The following ALK variants were observed in gnomAD, a reference collection of about 807,000 sequenced individuals.
ALK encodes the protein ALK tyrosine kinase receptor.
A neutral mutation model predicts 163.1 loss-of-function variants in ALK; 74 were observed. The ratio of observed to expected loss-of-function variants is 0.45; its 90% CI spans 0.38 to 0.55. ALK has a LOEUF of 0.55. ALK is among the 20% of genes least tolerant of loss of function. ALK has a pLI of 0.00. For synonymous variants in ALK, 960 were observed against 843.2 expected, an observed-to-expected ratio of 1.14 and a Z score of -2.40; for missense variants, 2,063 against 2,105.3, an observed-to-expected ratio of 0.98 and a Z score of 0.39.
At chr2:29,599,624 A>G (rs2148213417) in intron 3 of ALK, among the ~76,000 whole-genome samples, 1 of 152,378 alleles carries the variant, frequency 6.6e-6, no homozygotes, top group Middle Eastern at 3.4e-3. Flanking sequence ...ACTTGAAGAC[A>G]CTTGAGTTTC....
At chr2:29,542,434 G>T (rs945327971) in intron 3 of ALK, among the ~76,000 whole-genome samples, 1 of 152,102 alleles carries the variant, frequency 6.6e-6, no homozygotes, top group African/African-American at 2.4e-5. Context: ...GGACTTTTAT[G>T]TTAGTCCCAC....
Position 29,767,925 on chromosome 2 carries a change from C to T in ALK, c.668-50228G>A, listed in dbSNP as rs920582622. On this transcript the variant is annotated intron_variant, in intron 1 of 28. Transcript: ENST00000389048. ...TCTTCTAGCCCCAGTCTGGGGAAGTCGTGATGATTACTCATTAGGTAGCTA... is the reference window on the plus strand; with the variant it reads ...TCTTCTAGCCCCAGTCTGGGGAAGTTGTGATGATTACTCATTAGGTAGCTA... Among the ~76,000 whole-genome samples the T allele has an allele frequency of 2.0e-5, 3 of 152,210 alleles. 1 individual carries two copies. Among genetic ancestry groups the T allele is most frequent in the East Asian group, 1.9e-4 (1 of 5,200 alleles).
chr2:29,367,241 G>T (rs75254376), intron 5 of ALK, among the ~76,000 whole-genome samples: 4 of 152,260 alleles, frequency 2.6e-5, no homozygotes, highest in East Asian at 1.9e-4. Flanking sequence ...CGGGACAAAG[G>T]TTCCAGTGTA....
At chr2:29,720,534 C>A (rs1679390956) in intron 1 of ALK, among the ~76,000 whole-genome samples, 1 of 152,104 alleles carries the variant, frequency 6.6e-6, no homozygotes, top group African/African-American at 2.4e-5. Context: ...TGGGGGTCAG[C>A]CAAAAGGCTG....
intron 3 of ALK, among the ~76,000 whole-genome samples, chr2:29,664,699 C>A (rs995654197): frequency 6.6e-6 from 1 of 152,148 alleles, no homozygotes; most frequent in Non-Finnish European, 1.5e-5. Context: ...CCAGCTCCAC[C>A]CCACCTTGTC....
At chr2:29,557,831 T>C (rs1673906267) in intron 3 of ALK, among the ~76,000 whole-genome samples, 1 of 152,098 alleles carries the variant, frequency 6.6e-6, no homozygotes, top group African/African-American at 2.4e-5. Flanking sequence ...TGGGTTAGGG[T>C]GGACATTTGC....
intron 1 of ALK, among the ~76,000 whole-genome samples, chr2:29,857,520 G>A (rs747991122): frequency 2.6e-5 from 4 of 152,182 alleles, no homozygotes; most frequent in South Asian, 2.1e-4. Context: ...CACAGGTGAC[G>A]GGCGGGAGAA....
chr2:29,313,880 T>C (rs1358515), intron 8 of ALK, among the ~76,000 whole-genome samples: 107 of 152,298 alleles, frequency 7.0e-4, no homozygotes, highest in African/African-American at 2.5e-3. Context: ...TTCTTACTCT[T>C]ATCCTCCTTT....
chr2:29,501,062 C>T (rs1466964299), intron 4 of ALK, among the ~76,000 whole-genome samples: 1 of 152,066 alleles, frequency 6.6e-6, no homozygotes, highest in Non-Finnish European at 1.5e-5. Flanking sequence ...TTTTTCCTGA[C>T]ACCTCTCTTC....
chr2:29,216,137 C>T (rs530940558), intron 23 of ALK, among the ~76,000 whole-genome samples: 4 of 152,300 alleles, frequency 2.6e-5, no homozygotes, highest in South Asian at 4.1e-4. Context: ...ATCCCTCCTG[C>T]GGCAAAGAGT....
At chr2:29,247,886 G>T (rs1478463126) in intron 12 of ALK, among the ~76,000 whole-genome samples, 2 of 152,102 alleles carry the variant, frequency 1.3e-5, no homozygotes, top group African/African-American at 4.8e-5. Context: ...CACGTCCTCT[G>T]GTGCATCTTG....
intron 3 of ALK, among the ~76,000 whole-genome samples, chr2:29,664,106 A>C (rs1450521775): frequency 1.3e-5 from 2 of 152,130 alleles, no homozygotes; most frequent in African/African-American, 4.8e-5. Context: ...TCCTACAAAC[A>C]GCTCTGCTCC....
Position 29,383,863 on chromosome 2 carries a change from G to C in ALK, c.1155-4C>G, listed in dbSNP as rs773542942. The C allele has an allele frequency of 1.2e-6, 2 of 1,613,928 alleles. No individual in the cohort carries two copies. The highest frequency in any genetic ancestry group is 1.7e-6 in the Non-Finnish European group (2 of 1,179,960). On this transcript the variant is annotated splice_polypyrimidine_tract_variant and splice_region_variant and intron_variant, in intron 4 of 28. Coordinates refer to ENST00000389048, the MANE Select transcript of ALK (RefSeq NM_004304.5). ...TCTTCCCTGGAGCACTGTCCAACTG[G>C]TTGCATTGGAAAACAGAGGAGAAAA...
chr2:29,313,205 C>A lies in ALK; in HGVS notation c.1647+5099G>T, dbSNP rs117611386. On this transcript the variant is annotated intron_variant, in intron 8 of 28. Coordinates refer to ENST00000389048, the MANE Select transcript of ALK (RefSeq NM_004304.5). The stretch of plus-strand genomic sequence containing the variant: ...ATATTCTTCTCCCTAGATGGTCATC[C>A]GTTCTATGCAGAAGGTAAACTGGCT... 6.5e-4 allele frequency among the ~76,000 whole-genome samples: 99 copies of A among 152,292 alleles called. No individual in the cohort carries two copies. In the East Asian group the frequency reaches 0.017, roughly 26 times the overall value.
intron 9 of ALK, among the ~76,000 whole-genome samples, chr2:29,280,591 A>G (rs1266464550): frequency 1.3e-5 from 2 of 149,688 alleles, no homozygotes; most frequent in Non-Finnish European, 3.0e-5. Flanking sequence ...GATTCAGGGA[A>G]AGTTCTAGTA....
At chr2:29,604,463 C>G (rs1675483010) in intron 3 of ALK, among the ~76,000 whole-genome samples, 1 of 152,118 alleles carries the variant, frequency 6.6e-6, no homozygotes, top group Non-Finnish European at 1.5e-5. Context: ...TTGAATTTCT[C>G]CAAACTGGCA....
chr2:29,263,414 C>T (rs11679467), intron 11 of ALK, among the ~76,000 whole-genome samples: 16,390 of 152,084 alleles, frequency 0.11, 2,117 homozygotes, highest in African/African-American at 0.31. Flanking sequence ...GTAACACTTC[C>T]GACAGATGAG....
chr2:29,216,649 G>A (rs1220143704), intron 23 of ALK, among the ~76,000 whole-genome samples: 2 of 146,250 alleles, frequency 1.4e-5, no homozygotes, highest in African/African-American at 5.0e-5. Flanking sequence ...GTATATGTGC[G>A]TATGGTGTGT....
chr2:29,383,966 T>A (rs1162865428), intron 4 of ALK, 107 bp from the exon 5 acceptor site: 12 of 1,398,382 alleles, frequency 8.6e-6, no homozygotes, highest in Non-Finnish European at 1.2e-5. Flanking sequence ...AGGACTCACA[T>A]TCTTCATGGG....
Sources: allele counts gnomAD v4.1 joint callset (sites outside exome capture counted in the v4.1 genomes callset), GRCh38; gene constraint gnomAD v4.1.1; transcripts MANE v1.5; gene names NCBI Gene and HGNC (gene_info 2026-07-23, HGNC 2026-07-21).